FHIT: variants seen among roughly 807,000 people sequenced by gnomAD.
FHIT encodes the protein bis(5'-adenosyl)-triphosphatase.
FHIT carries 19 observed loss-of-function variants against 17.9 expected under a neutral mutation model. The observed-to-expected ratio is 1.06, with a 90% CI of 0.74 to 1.56. The LOEUF is 1.56. Ranked by LOEUF, FHIT falls within the 40% of genes most tolerant of loss-of-function variation. The pLI is 0.00. For missense variants in FHIT, 248 were observed against 189.2 expected (o/e 1.31, Z -1.82); for synonymous variants, 81 against 69.7 (o/e 1.16, Z -0.81).
At chr3:60,867,815 C>T (rs1559787544) in intron 3 of FHIT, among the ~76,000 whole-genome samples, 3 of 152,116 alleles carry the variant, frequency 2.0e-5, no homozygotes, top group South Asian at 2.1e-4. Flanking sequence ...TAAGCAGAGC[C>T]CCCTGACAAC....
At chr3:60,760,304 G>T (rs1246886114) in intron 4 of FHIT, among the ~76,000 whole-genome samples, 1 of 152,200 alleles carries the variant, frequency 6.6e-6, no homozygotes, top group African/African-American at 2.4e-5. Flanking sequence ...AGAGCACATG[G>T]TCTAGGAGCA....
chr3:60,497,281 A>T (rs538953805), intron 5 of FHIT, among the ~76,000 whole-genome samples: 1 of 152,150 alleles, frequency 6.6e-6, no homozygotes, highest in South Asian at 2.1e-4. Context: ...ATAAGATGAC[A>T]GGTGGGGAAG....
At chr3:59,861,466 G>T (rs1166308890) in intron 8 of FHIT, among the ~76,000 whole-genome samples, 1 of 152,060 alleles carries the variant, frequency 6.6e-6, no homozygotes, top group Non-Finnish European at 1.5e-5. Flanking sequence ...AAACTTCCAG[G>T]GTGCTATTTT....
intron 2 of FHIT, among the ~76,000 whole-genome samples, chr3:61,099,759 T>C (rs2035759644): frequency 6.6e-6 from 1 of 152,196 alleles, no homozygotes; most frequent in Non-Finnish European, 1.5e-5. Context: ...TCAGTGATAA[T>C]ATCCTCCTTG....
chr3:60,870,177 T>A (rs1352837381), intron 3 of FHIT, among the ~76,000 whole-genome samples: 3 of 152,100 alleles, frequency 2.0e-5, no homozygotes, highest in Non-Finnish European at 4.4e-5. Context: ...GTAAAGTGCA[T>A]GCCCACAGAA....
At chr3:60,987,632 A>G (rs1189383993) in intron 3 of FHIT, among the ~76,000 whole-genome samples, 1 of 152,102 alleles carries the variant, frequency 6.6e-6, no homozygotes, top group Non-Finnish European at 1.5e-5. Flanking sequence ...TCACACCTCT[A>G]TATTTCTGTG....
chr3:60,293,852 T>C (rs191691762), intron 5 of FHIT, among the ~76,000 whole-genome samples: 46 of 152,292 alleles, frequency 3.0e-4, no homozygotes, highest in Admixed American at 2.8e-3. Flanking sequence ...AATTAAGTCC[T>C]ATTTTGAGCT....
chr3:60,895,689 T>C (rs557948988), intron 3 of FHIT, among the ~76,000 whole-genome samples: 1,235 of 112,970 alleles, frequency 0.011, 40 homozygotes, highest in African/African-American at 0.033. Context: ...TTTCTTTCTT[T>C]CTTTCTTTCT....
chr3:61,225,847 A>G (rs1454198120), intron 1 of FHIT, among the ~76,000 whole-genome samples: 2 of 152,248 alleles, frequency 1.3e-5, no homozygotes, highest in African/African-American at 2.4e-5. Flanking sequence ...CCTGTTAACT[A>G]AAACAATTCT....
intron 5 of FHIT, among the ~76,000 whole-genome samples, chr3:60,447,902 C>A (rs2031455030): frequency 6.6e-6 from 1 of 152,148 alleles, no homozygotes. Context: ...CATGTGTTAC[C>A]TCCAACTGGG....
intron 5 of FHIT, among the ~76,000 whole-genome samples, chr3:60,135,006 A>G (rs1479381183): frequency 6.6e-6 from 1 of 152,144 alleles, no homozygotes; most frequent in African/African-American, 2.4e-5. Context: ...ATGAAAAAGG[A>G]TAGAAGAGAA....
At chr3:60,428,394 C>G (rs1292925734) in intron 5 of FHIT, among the ~76,000 whole-genome samples, 1 of 152,128 alleles carries the variant, frequency 6.6e-6, no homozygotes, top group Non-Finnish European at 1.5e-5. Flanking sequence ...GAAAGCTTAA[C>G]AAGGCCTTCA....
chr3:60,584,734 G>A (rs541044902), intron 4 of FHIT, among the ~76,000 whole-genome samples: 2 of 152,158 alleles, frequency 1.3e-5, no homozygotes, highest in African/African-American at 2.4e-5. Flanking sequence ...TGTGATCCAA[G>A]AGGTGCCATT....
intron 5 of FHIT, among the ~76,000 whole-genome samples, chr3:60,025,742 A>G (rs1211195521): frequency 2.0e-5 from 3 of 152,094 alleles, no homozygotes; most frequent in Admixed American, 2.0e-4. Context: ...CAGAAAAAAA[A>G]AAAAAAAGAG....
intron 4 of FHIT, among the ~76,000 whole-genome samples, chr3:60,620,458 A>G (rs77863573): frequency 0.014 from 2,058 of 152,296 alleles, 57 homozygotes; most frequent in African/African-American, 0.048. Flanking sequence ...TTATTCAGCC[A>G]TACTAAAAAG....
rs532509554 is a variant in FHIT, at chr3:60,210,377, A to G, written c.104-196225T>C. Among the ~76,000 whole-genome samples the G allele has an allele frequency of 3.9e-5, 6 of 152,298 alleles. No individual in the cohort carries two copies. The South Asian group carries it at 6.2e-4, about 16-fold the overall frequency. On this transcript the variant is annotated intron_variant, in intron 5 of 9. Coordinates refer to ENST00000492590, the MANE Select transcript of FHIT (RefSeq NM_002012.4). ...AAAAACATGGTAATATGTCATCTCAATAACCTAGGAATGGGGAAAACTTTT... is the reference window on the plus strand; with the variant it reads ...AAAAACATGGTAATATGTCATCTCAGTAACCTAGGAATGGGGAAAACTTTT...
intron 3 of FHIT, among the ~76,000 whole-genome samples, chr3:61,022,811 C>T (rs1371336488): frequency 3.3e-5 from 5 of 152,270 alleles, no homozygotes; most frequent in South Asian, 2.1e-4. Flanking sequence ...ATGCTAAAAA[C>T]GCTCAATAAA....
chr3:60,947,319 T>C, intron 3 of FHIT, among the ~76,000 whole-genome samples: 1 of 152,202 alleles, frequency 6.6e-6, no homozygotes, highest in East Asian at 1.9e-4. Flanking sequence ...CATGTAAGAA[T>C]TATTTCTTCT....
rs1381863104 is a variant in FHIT at position 60,914,118 on chromosome 3, C to T, written c.-110-92107G>A. ...ACAAGCTACCACAGAGTATCTGTTACTTTTCACTTTCTTCATCTCTCTGTT... is the reference window on the plus strand; with the variant it reads ...ACAAGCTACCACAGAGTATCTGTTATTTTTCACTTTCTTCATCTCTCTGTT... On this transcript the variant is annotated intron_variant, in intron 3 of 9. Coordinates refer to ENST00000492590, the MANE Select transcript of FHIT (RefSeq NM_002012.4). Among the ~76,000 whole-genome samples the T allele has an allele frequency of 2.0e-5, 3 of 152,164 alleles. No individual in the cohort carries two copies. The East Asian group carries it at 5.8e-4, about 29-fold the overall frequency.
Sources: allele counts gnomAD v4.1 joint callset (sites outside exome capture counted in the v4.1 genomes callset), GRCh38; gene constraint gnomAD v4.1.1; transcripts MANE v1.5; gene names NCBI Gene and HGNC (gene_info 2026-07-23, HGNC 2026-07-21).